The following BICC1 variants were observed in gnomAD, a reference collection of about 807,000 sequenced individuals.
The protein encoded by BICC1 is protein bicaudal C homolog 1.
Under a neutral mutation model 111.0 loss-of-function variants are expected in BICC1, and 43 were observed. The ratio of observed to expected loss-of-function variants is 0.39; its 90% CI spans 0.30 to 0.50. The LOEUF is 0.50. Ranked by LOEUF, BICC1 falls within the 20% of genes least tolerant of loss-of-function variation. BICC1 has a pLI of 0.88. For missense variants in BICC1, 1,091 were observed against 1,203.2 expected (o/e 0.91, Z 1.38); for synonymous variants, 467 against 434.4 (o/e 1.07, Z -0.93).
chr10:58,805,361 G>A (rs1366043989), intron 15 of BICC1, among the ~76,000 whole-genome samples: 2 of 151,928 alleles, frequency 1.3e-5, no homozygotes, highest in African/African-American at 4.8e-5. Flanking sequence ...TTGATTAGTT[G>A]TTGTATTCTT....
Position 58,578,819 on chromosome 10 carries a change from A to G in BICC1, c.191-42036A>G, listed in dbSNP as rs560210149. On this transcript the variant is annotated intron_variant, in intron 1 of 20. Coordinates refer to ENST00000373886, the MANE Select transcript of BICC1 (RefSeq NM_001080512.3). ...TCCCACCTGTGTGTGCAGGAGTTCA[A>G]CCTCCCTTCACTTGGAAGTGTGCAG... is the stretch of plus-strand genomic sequence containing the variant. Among the ~76,000 whole-genome samples the G allele has an allele frequency of 5.5e-4, 84 of 152,160 alleles. 6 individuals are homozygous for G. Among genetic ancestry groups the G allele is most frequent in the Admixed American group, 2.0e-4 (3 of 15,280 alleles).
intron 2 of BICC1, among the ~76,000 whole-genome samples, chr10:58,665,571 A>T (rs539106923): frequency 1.3e-5 from 2 of 152,186 alleles, no homozygotes; most frequent in Middle Eastern, 3.2e-3. Flanking sequence ...CATAAATACA[A>T]TCTTGTGTTT....
At chr10:58,723,431 T>A (rs1841000668) in intron 3 of BICC1, among the ~76,000 whole-genome samples, 1 of 152,172 alleles carries the variant, frequency 6.6e-6, no homozygotes, top group Admixed American at 6.5e-5. Flanking sequence ...AATATCCAGC[T>A]GAGGCTGCAT....
At chr10:58,721,194 A>C (rs1321895030) in intron 3 of BICC1, among the ~76,000 whole-genome samples, 1 of 152,060 alleles carries the variant, frequency 6.6e-6, no homozygotes, top group Admixed American at 6.5e-5. Context: ...CATCCTAGGG[A>C]CATTGACCCC....
Position 58,688,630 on chromosome 10 carries a change from G to A in BICC1, c.238-13444G>A, listed in dbSNP as rs12258084. On this transcript the variant is annotated intron_variant, in intron 2 of 20. Transcript: ENST00000373886. The stretch of plus-strand genomic sequence containing the variant: ...CAATAGCAAAGACTTGTAACCACCC[G>A]AAATGCCCATCAATGATTGACTGGA... Among the ~76,000 whole-genome samples, 1,189 of 152,202 alleles carry A rather than the reference G, an allele frequency of 7.8e-3. 11 individuals are homozygous for A. Among genetic ancestry groups the A allele is most frequent in the African/African-American group, 0.027 (1,109 of 41,542 alleles).
At chr10:58,631,868 G>T (rs1564522199) in intron 2 of BICC1, among the ~76,000 whole-genome samples, 1 of 152,140 alleles carries the variant, frequency 6.6e-6, no homozygotes, top group Non-Finnish European at 1.5e-5. Flanking sequence ...AGTTGTTTGG[G>T]TTTGTTTTCT....
Position 58,796,893 on chromosome 10 carries a change from C to T in BICC1, c.1366+367C>T, listed in dbSNP as rs184798152. Among the ~76,000 whole-genome samples, 193 of 149,614 alleles carry T rather than the reference C, an allele frequency of 1.3e-3. 1 individual carries two copies. The highest frequency in any genetic ancestry group is 4.6e-3 in the African/African-American group (186 of 40,462). On this transcript the variant is annotated intron_variant, in intron 10 of 20. Coordinates refer to ENST00000373886, the MANE Select transcript of BICC1 (RefSeq NM_001080512.3). ...TCAGTCCCTAGAGATAAAGATTATC[C>T]AGTTTGCTTTTTAAAAAGTAATTGC...
At chr10:58,566,823 C>T (rs1658438) in intron 1 of BICC1, among the ~76,000 whole-genome samples, 69,621 of 151,824 alleles carry the variant, frequency 0.46, 17,014 homozygotes, top group Admixed American at 0.62. Flanking sequence ...AAGGCCCTTA[C>T]TTGGAATGTG....
At chr10:58,756,625 C>A (rs1434911302) in intron 3 of BICC1, among the ~76,000 whole-genome samples, 1 of 94,402 alleles carries the variant, frequency 1.1e-5, no homozygotes, top group African/African-American at 4.1e-5. Flanking sequence ...CAACTACTAG[C>A]CTTTTTTTTT....
At chr10:58,541,151 G>A (rs1433513780) in intron 1 of BICC1, among the ~76,000 whole-genome samples, 1 of 152,000 alleles carries the variant, frequency 6.6e-6, no homozygotes, top group Non-Finnish European at 1.5e-5. Context: ...CACAAGGGAA[G>A]GATTCCTTTT....
chr10:58,618,960 T>G (rs1484832416), intron 1 of BICC1, among the ~76,000 whole-genome samples: 1 of 152,200 alleles, frequency 6.6e-6, no homozygotes, highest in Non-Finnish European at 1.5e-5. Flanking sequence ...CCTGTTCCCC[T>G]GTCTTCAAAT....
At position 58,578,902 on chromosome 10, in the gene BICC1, G is replaced by A. The variant is rs567560211; in HGVS notation, c.191-41953G>A. Reference sequence around the variant, plus strand: ...CTAGCCCTCTGTGCCCTCACCTCTCGTACACATAAAGGGGGAAGGCATACC... The same window carrying A: ...CTAGCCCTCTGTGCCCTCACCTCTCATACACATAAAGGGGGAAGGCATACC... On this transcript the variant is annotated intron_variant, in intron 1 of 20. Coordinates refer to ENST00000373886, the MANE Select transcript of BICC1 (RefSeq NM_001080512.3). Among the ~76,000 whole-genome samples the A allele has an allele frequency of 5.9e-5, 9 of 152,150 alleles. No individual in the cohort carries two copies. In the South Asian group the frequency reaches 8.3e-4, roughly 14 times the overall value.
chr10:58,700,752 G>A (rs1165559512), intron 2 of BICC1, among the ~76,000 whole-genome samples: 5 of 152,320 alleles, frequency 3.3e-5, no homozygotes, highest in Admixed American at 1.3e-4. Flanking sequence ...AGTAGGGACT[G>A]GGAGCAGCTC....
At chr10:58,601,788 T>A (rs1299554343) in intron 1 of BICC1, among the ~76,000 whole-genome samples, 1 of 152,118 alleles carries the variant, frequency 6.6e-6, no homozygotes, top group East Asian at 1.9e-4. Flanking sequence ...TGAGGTAAAA[T>A]CTTTTAAGTT....
chr10:58,777,220 T>G (rs1374725975), intron 3 of BICC1, among the ~76,000 whole-genome samples: 1 of 151,938 alleles, frequency 6.6e-6, no homozygotes, highest in Non-Finnish European at 1.5e-5. Context: ...TGTTTCTGAT[T>G]AAGTAAACAG....
At chr10:58,725,714 T>A (rs1841084399) in intron 3 of BICC1, among the ~76,000 whole-genome samples, 1 of 152,214 alleles carries the variant, frequency 6.6e-6, no homozygotes, top group Non-Finnish European at 1.5e-5. Flanking sequence ...TCATCCAAGA[T>A]GACTTCCTGG....
At chr10:58,656,046 A>G (rs1838635247) in intron 2 of BICC1, among the ~76,000 whole-genome samples, 1 of 152,208 alleles carries the variant, frequency 6.6e-6, no homozygotes, top group South Asian at 2.1e-4. Flanking sequence ...AATACAGACT[A>G]CCCATCAGAG....
At position 58,568,835 on chromosome 10, in the gene BICC1, G is replaced by A. The variant is rs887831522; in HGVS notation, c.191-52020G>A. Among the ~76,000 whole-genome samples the A allele has an allele frequency of 2.6e-5, 4 of 152,280 alleles. No homozygotes were observed. In the East Asian group the frequency reaches 5.8e-4, roughly 22 times the overall value. ...ACATCTGAACACCTTTTGTAAGAAC[G>A]ACATGATATTACCAAGGCCTCTTTA... On this transcript the variant is annotated intron_variant, in intron 1 of 20. Transcript: ENST00000373886.
At chr10:58,524,097 C>A (rs1415956328) in intron 1 of BICC1, among the ~76,000 whole-genome samples, 1 of 151,982 alleles carries the variant, frequency 6.6e-6, no homozygotes, top group Non-Finnish European at 1.5e-5. Context: ...GGTAGGAAGA[C>A]TCAATATTGT....
Sources: gnomAD v4.1 joint callset for allele counts (sites outside exome capture counted in the v4.1 genomes callset) on GRCh38, gnomAD v4.1.1 for gene constraint, MANE v1.5 for transcripts, NCBI Gene and HGNC (gene_info 2026-07-23, HGNC 2026-07-21) for gene names.